Variants in CACNB2 observed in about 807,000 individuals in gnomAD.
The protein encoded by CACNB2 is voltage-dependent L-type calcium channel subunit beta-2.
A neutral mutation model predicts 73.3 loss-of-function variants in CACNB2; 42 were observed. The ratio of observed to expected loss-of-function variants is 0.57; its 90% CI spans 0.45 to 0.74. CACNB2 has a LOEUF of 0.74. CACNB2 is among the 30% of genes least tolerant of loss of function. The pLI, the probability that CACNB2 is intolerant of heterozygous loss-of-function variation, is 0.00. For missense variants in CACNB2, 940 were observed against 853.0 expected (o/e 1.10, Z -1.27); for synonymous variants, 348 against 310.3 (o/e 1.12, Z -1.28).
At chr10:18,321,057 T>C (rs1589035717) in intron 2 of CACNB2, among the ~76,000 whole-genome samples, 1 of 152,222 alleles carries the variant, frequency 6.6e-6, no homozygotes, top group East Asian at 1.9e-4. Flanking sequence ...AACTGAAGTA[T>C]TTCTGAAGTG....
chr10:18,535,599 C>T (rs370117159), intron 11 of CACNB2, among the ~76,000 whole-genome samples: 13 of 151,938 alleles, frequency 8.6e-5, no homozygotes, highest in South Asian at 2.1e-4. Flanking sequence ...AGTGAAACCC[C>T]GTCTCTACTA....
chr10:18,232,635 T>C (rs2036265006), intron 2 of CACNB2, among the ~76,000 whole-genome samples: 3 of 152,238 alleles, frequency 2.0e-5, no homozygotes, highest in Non-Finnish European at 4.4e-5. Context: ...TCAGGTTGCA[T>C]AGCTGAGCCA....
intron 2 of CACNB2, among the ~76,000 whole-genome samples, chr10:18,287,506 T>C (rs1194676802): frequency 6.6e-6 from 1 of 151,992 alleles, no homozygotes; most frequent in Non-Finnish European, 1.5e-5. Flanking sequence ...CAAAAAATGG[T>C]GTGGTTTAAT....
intron 2 of CACNB2, among the ~76,000 whole-genome samples, chr10:18,307,186 C>T (rs937865556): frequency 2.6e-5 from 4 of 152,046 alleles, no homozygotes; most frequent in East Asian, 1.9e-4. Context: ...CTTTTAGGGC[C>T]GGTCACGTGG....
chr10:18,536,128 G>C lies in CACNB2; in HGVS notation c.1234G>C (p.Gly412Arg). The change falls in exon 12 of 14, where the codon GGG becomes CGG. Residue 412 changes from glycine (G) to arginine (R), a missense_variant. Coordinates refer to ENST00000324631, the MANE Select transcript of CACNB2 (RefSeq NM_201596.3). ...KVLQRLIKSR[G>R]KSQAKHLNVQ... ...TTTACAAAGGTTAATAAAATCTCGA[G>C]GGAAATCTCAAGCTAAACACCTCAA... 6.2e-7 allele frequency: 1 copy of C among 1,611,014 alleles called. No individual in the cohort carries two copies. Among genetic ancestry groups the C allele is most frequent in the South Asian group, 1.1e-5 (1 of 90,982 alleles).
At chr10:18,537,466 AATTTCTAAATTCAG>A (rs886499349) in intron 12 of CACNB2, among the ~76,000 whole-genome samples, 1 of 152,086 alleles carries the variant, frequency 6.6e-6, no homozygotes, top group Non-Finnish European at 1.5e-5. Flanking sequence ...TTACCTTATT[AATTTCTAAATTCAG>A]ATTTCATAAT....
At chr10:18,322,526 A>G (rs2040432728) in intron 2 of CACNB2, among the ~76,000 whole-genome samples, 1 of 152,228 alleles carries the variant, frequency 6.6e-6, no homozygotes, top group Non-Finnish European at 1.5e-5. Flanking sequence ...CCTGAATGAG[A>G]TGGAATAAGC....
chr10:18,347,292 C>T (rs987122253), intron 2 of CACNB2, among the ~76,000 whole-genome samples: 3 of 151,752 alleles, frequency 2.0e-5, no homozygotes, highest in African/African-American at 4.8e-5. Context: ...ATTCTCCTGC[C>T]TCAGCCTCCT....
Position 18,372,078 on chromosome 10 carries a change from A to G in CACNB2, c.214-29846A>G, listed in dbSNP as rs1589165244. Among the ~76,000 whole-genome samples, 3 of 151,862 alleles carry G rather than the reference A, an allele frequency of 2.0e-5. No homozygotes were observed. The South Asian group carries it at 6.2e-4, about 32-fold the overall frequency. The stretch of plus-strand genomic sequence containing the variant: ...TGTTTTTTTCTTGTAAATTTGTTTG[A>G]GTTCTTTGTAGATTCTGGATATTAG... On this transcript the variant is annotated intron_variant, in intron 2 of 13. Coordinates refer to ENST00000324631, the MANE Select transcript of CACNB2 (RefSeq NM_201596.3).
chr10:18,464,418 T>TTAAAAAAAAAAAAAAAAAAAAAA (rs1360690647), intron 3 of CACNB2, among the ~76,000 whole-genome samples: 8 of 85,298 alleles, frequency 9.4e-5, no homozygotes, highest in Admixed American at 3.1e-4. Flanking sequence ...TCTCAAAAAT[T>TTAAAAAAAAAAAAAAAAAAAAAA]AAAAAAAAAA....
intron 2 of CACNB2, among the ~76,000 whole-genome samples, chr10:18,379,929 C>T (rs1471617708): frequency 2.0e-5 from 3 of 152,144 alleles, no homozygotes; most frequent in African/African-American, 7.2e-5. Flanking sequence ...TCAAGCAATC[C>T]TCCTGTCTTG....
chr10:18,297,625 C>A (rs1267866294), intron 2 of CACNB2, among the ~76,000 whole-genome samples: 1 of 152,208 alleles, frequency 6.6e-6, no homozygotes, highest in Admixed American at 6.5e-5. Flanking sequence ...AATTCCTCCA[C>A]GGAGAAGACA....
At chr10:18,332,046 G>A (rs1367567974) in intron 2 of CACNB2, among the ~76,000 whole-genome samples, 1 of 152,170 alleles carries the variant, frequency 6.6e-6, no homozygotes, top group African/African-American at 2.4e-5. Flanking sequence ...GGATGAAGGG[G>A]CAGAGAGAGG....
chr10:18,539,743 T>TG lies in CACNB2; in HGVS notation c.*19_*20insG. 1.3e-6 allele frequency: 1 copy of TG among 790,238 alleles called. No individual in the cohort carries two copies. The highest frequency in any genetic ancestry group is 3.6e-5 in the South Asian group (1 of 27,958). 49.0% of individuals were successfully genotyped at this position (790,238 alleles called of 1,614,324 possible). The stretch of plus-strand genomic sequence containing the variant: ...CCAATGAGTTTTGCCCGTTTGTGTT[T>TG]TTTTTTTTTTTTTTTTGAAGTCTTG... On this transcript the variant is annotated 3_prime_UTR_variant, in exon 14 of 14. Coordinates refer to ENST00000324631, the MANE Select transcript of CACNB2 (RefSeq NM_201596.3).
chr10:18,218,494 G>T (rs907818799), intron 2 of CACNB2, among the ~76,000 whole-genome samples: 44 of 152,176 alleles, frequency 2.9e-4, no homozygotes, highest in African/African-American at 1.0e-3. Flanking sequence ...CTGTATGAAT[G>T]TGTATGTGTA....
At chr10:18,300,115 G>A (rs1408131333) in intron 2 of CACNB2, among the ~76,000 whole-genome samples, 3 of 151,846 alleles carry the variant, frequency 2.0e-5, no homozygotes, top group East Asian at 3.9e-4. Flanking sequence ...TCCACCTCCC[G>A]GGTTCAAGTG....
At chr10:18,153,081 C>T (rs1404186536) in intron 2 of CACNB2, among the ~76,000 whole-genome samples, 1 of 152,052 alleles carries the variant, frequency 6.6e-6, no homozygotes, top group African/African-American at 2.4e-5. Flanking sequence ...CTTTTGTGTT[C>T]TTAGTAATGT....
At chr10:18,215,638 T>C (rs1045427384) in intron 2 of CACNB2, among the ~76,000 whole-genome samples, 4 of 152,230 alleles carry the variant, frequency 2.6e-5, no homozygotes, top group Non-Finnish European at 5.9e-5. Flanking sequence ...CCTTTGCTGC[T>C]CTGTGTCAGA....
chr10:18,286,129 T>C (rs949668318), intron 2 of CACNB2, among the ~76,000 whole-genome samples: 2 of 152,216 alleles, frequency 1.3e-5, no homozygotes, highest in African/African-American at 4.8e-5. Context: ...TTTCTAACAT[T>C]TTGTAACATT....
Sources: gnomAD v4.1 joint callset for allele counts (sites outside exome capture counted in the v4.1 genomes callset) on GRCh38, gnomAD v4.1.1 for gene constraint, MANE v1.5 for transcripts, NCBI Gene and HGNC (gene_info 2026-07-23, HGNC 2026-07-21) for gene names.